Variants in KIF27 observed in about 807,000 individuals in gnomAD.
The protein encoded by KIF27 is kinesin family member 27.
A neutral mutation model predicts 141.8 loss-of-function variants in KIF27; 84 were observed. The ratio of observed to expected loss-of-function variants is 0.59; its 90% CI spans 0.50 to 0.71. KIF27 has a LOEUF of 0.71. Among genes scored for constraint, KIF27 ranks in the 30% least tolerant of loss-of-function variants. The probability of loss-of-function intolerance (pLI) is 0.00; values close to 1 mark genes in which losing one functional copy is unlikely to be tolerated. For synonymous variants in KIF27, 471 were observed against 569.5 expected (o/e 0.83, Z 2.46); for missense variants, 1,306 against 1,628.4 (o/e 0.80, Z 3.41).
chr9:83,850,641 G>A (rs1948449904), intron 15 of KIF27, among the ~76,000 whole-genome samples: 2 of 151,224 alleles, frequency 1.3e-5, no homozygotes, highest in Non-Finnish European at 2.9e-5. Flanking sequence ...AAATTAGCTG[G>A]GTGTGGTGGT....
At chr9:83,918,293 AAG>A (rs898601081) in intron 1 of KIF27, among the ~76,000 whole-genome samples, 7 of 140,400 alleles carry the variant, frequency 5.0e-5, no homozygotes, top group Non-Finnish European at 7.7e-5. Context: ...ACTTGTCTCA[AAG>A]AGAGAGAGAA....
intron 2 of KIF27, among the ~76,000 whole-genome samples, chr9:83,913,821 A>G (rs1238885389): frequency 1.3e-5 from 2 of 152,230 alleles, no homozygotes; most frequent in Non-Finnish European, 2.9e-5. Flanking sequence ...CAAAAACCCA[A>G]AAAACCACAC....
At chr9:83,845,491 T>G (rs1947147026) in intron 16 of KIF27, among the ~76,000 whole-genome samples, 1 of 152,200 alleles carries the variant, frequency 6.6e-6, no homozygotes, top group African/African-American at 2.4e-5. Context: ...TCCTCCAGCC[T>G]GCACCGATGG....
chr9:83,911,235 T>A (rs1189990854), intron 2 of KIF27, among the ~76,000 whole-genome samples: 3 of 152,030 alleles, frequency 2.0e-5, no homozygotes, highest in African/African-American at 7.2e-5. Flanking sequence ...TCAAGCTAAT[T>A]TTTTTGTTGC....
Position 83,883,450 on chromosome 9 carries a change from G to A in KIF27, c.2445+363C>T, listed in dbSNP as rs574791116. On this transcript the variant is annotated intron_variant, in intron 10 of 17. Transcript: ENST00000297814. ...TTATGGTTTGGGAAAACCATATCTC[G>A]AAATAGTTCCCATTTGTTGAGTGTC... is the stretch of plus-strand genomic sequence containing the variant. Among the ~76,000 whole-genome samples the A allele has an allele frequency of 1.1e-4, 17 of 152,288 alleles. No homozygotes were observed. In the South Asian group the frequency reaches 2.9e-3, roughly 26 times the overall value.
chr9:83,901,198 C>T (rs534619223), intron 4 of KIF27, among the ~76,000 whole-genome samples: 1 of 152,286 alleles, frequency 6.6e-6, no homozygotes, highest in South Asian at 2.1e-4. Flanking sequence ...GGGCTCAAAA[C>T]AATCCTCCAG....
chr9:83,859,075 A>G, intron 14 of KIF27, 81 bp downstream of exon 14: 1 of 1,005,672 alleles, frequency 9.9e-7, no homozygotes, highest in Non-Finnish European at 1.6e-6. Context: ...GATAATATTT[A>G]TGATTATGTG....
chr9:83,847,962 T>C (rs1947515461), intron 16 of KIF27: 3 of 146,934 alleles, frequency 2.0e-5, no homozygotes. Context: ...ATTTATATAA[T>C]ATAAATCCTG....
In KIF27 at chr9:83,903,619, C is replaced by G; in HGVS notation, c.899G>C (p.Arg300Pro). 1 of 1,614,060 alleles carries G rather than the reference C, an allele frequency of 6.2e-7. No homozygotes were observed. Among genetic ancestry groups the G allele is most frequent in the Middle Eastern group, 1.6e-4 (1 of 6,062 alleles). ...HIPYRDAKITRLLKDSLGGSA... is the reference protein window; with the variant it reads ...HIPYRDAKITPLLKDSLGGSA... ...GCCTCCCAGAGAATCTTTCAGAAGC[C>G]GGGTAATTTTAGCATCCCTATATGG... Residue 300 changes from arginine (R) to proline (P), a missense_variant, in exon 4 of 18, where the codon CGG becomes CCG. Arg to Pro is a moderately radical substitution (Grantham distance 103). Around this residue, in one of 4 missense-constraint regions of KIF27, gnomAD observed 533 missense variants for 565.6 expected, o/e 0.94. Coordinates refer to ENST00000297814, the MANE Select transcript of KIF27 (RefSeq NM_017576.4).
chr9:83,895,275 A>G (rs1953083177), intron 5 of KIF27, among the ~76,000 whole-genome samples: 2 of 151,988 alleles, frequency 1.3e-5, no homozygotes, highest in South Asian at 2.1e-4. Flanking sequence ...AAAAAAAAAA[A>G]AAAAATCAGG....
At chr9:83,878,033 G>A (rs1272427839) in intron 11 of KIF27, among the ~76,000 whole-genome samples, 4 of 151,454 alleles carry the variant, frequency 2.6e-5, no homozygotes, top group South Asian at 2.1e-4. Flanking sequence ...GCGTGGTGGC[G>A]GGTGCCTGTA....
intron 5 of KIF27, among the ~76,000 whole-genome samples, chr9:83,898,012 T>C (rs1588230726): frequency 6.6e-6 from 1 of 152,012 alleles, no homozygotes; most frequent in Non-Finnish European, 1.5e-5. Flanking sequence ...GGTGGGAGTA[T>C]AAAGTGGAAA....
intron 15 of KIF27, among the ~76,000 whole-genome samples, chr9:83,853,089 A>G (rs1948794902): frequency 6.6e-6 from 1 of 152,244 alleles, no homozygotes; most frequent in Non-Finnish European, 1.5e-5. Flanking sequence ...ACATCTCTGG[A>G]TCAGTAAATT....
intron 10 of KIF27, among the ~76,000 whole-genome samples, chr9:83,883,449 C>T (rs1194011238): frequency 6.6e-6 from 1 of 152,138 alleles, no homozygotes; most frequent in Non-Finnish European, 1.5e-5. Context: ...AACCATATCT[C>T]GAAATAGTTC....
chr9:83,910,083 ATACGTACG>A (rs1401219561), intron 2 of KIF27, among the ~76,000 whole-genome samples: 1 of 98,354 alleles, frequency 1.0e-5, no homozygotes, highest in Non-Finnish European at 2.1e-5. Flanking sequence ...ACATACATAC[ATACGTACG>A]TACTTACATA....
At chr9:83,858,315 A>G (rs1949493935) in intron 14 of KIF27, 1 of 152,204 alleles carries the variant, frequency 6.6e-6, no homozygotes, top group Non-Finnish European at 1.5e-5. Flanking sequence ...ACTAGCCCCT[A>G]TAACTTCCTG....
intron 3 of KIF27, among the ~76,000 whole-genome samples, chr9:83,906,184 A>G (rs1444022444): frequency 6.6e-6 from 1 of 152,232 alleles, no homozygotes; most frequent in East Asian, 1.9e-4. Context: ...CAGAAGAGAT[A>G]AACTGTACTG....
intron 16 of KIF27, among the ~76,000 whole-genome samples, chr9:83,846,157 A>C (rs1947244234): frequency 6.6e-6 from 1 of 152,092 alleles, no homozygotes; most frequent in Admixed American, 6.5e-5. Context: ...CTGAGCCCTC[A>C]ATATGGCACC....
intron 11 of KIF27, among the ~76,000 whole-genome samples, chr9:83,878,780 C>T (rs1347225054): frequency 6.6e-6 from 1 of 152,140 alleles, no homozygotes; most frequent in Non-Finnish European, 1.5e-5. Flanking sequence ...CATAATATTA[C>T]AGAGTGTCTG....
Sources: gnomAD v4.1 joint callset for allele counts (sites outside exome capture counted in the v4.1 genomes callset) on GRCh38, gnomAD v4.1.1 for gene constraint, gnomAD v4.1.1 regional missense constraint, MANE v1.5 for transcripts, NCBI Gene and HGNC (gene_info 2026-07-23, HGNC 2026-07-21) for gene names.